DAB1: variants seen among roughly 807,000 people sequenced by gnomAD.
DAB1 encodes DAB adaptor protein 1, also known as disabled homolog 1.
DAB1 carries 15 observed loss-of-function variants against 64.6 expected under a neutral mutation model. That is an observed-to-expected ratio of 0.23 (90% CI 0.16 to 0.36). DAB1 has a LOEUF of 0.36. Ranked by LOEUF, DAB1 falls within the 10% of genes least tolerant of loss-of-function variation. The pLI is 1.00. For missense variants in DAB1, 596 were observed against 706.7 expected, an observed-to-expected ratio of 0.84 and a Z score of 1.78; for synonymous variants, 235 against 251.9, an observed-to-expected ratio of 0.93 and a Z score of 0.64.
chr1:58,544,380 A>C (rs564468977), intron 1 of DAB1, among the ~76,000 whole-genome samples: 3 of 152,344 alleles, frequency 2.0e-5, no homozygotes, highest in East Asian at 1.9e-4. Flanking sequence ...CAATTTGCAA[A>C]AATAGTAATG....
chr1:57,212,816 A>G (rs1268537805), intron 2 of DAB1, among the ~76,000 whole-genome samples: 1 of 152,128 alleles, frequency 6.6e-6, no homozygotes, highest in Non-Finnish European at 1.5e-5. Context: ...GTCTTTCTCA[A>G]GTTTAAGAAG....
At chr1:58,253,099 G>GA (rs1660841859) in intron 4 of DAB1, among the ~76,000 whole-genome samples, 1 of 152,178 alleles carries the variant, frequency 6.6e-6, no homozygotes, top group Non-Finnish European at 1.5e-5. Flanking sequence ...GAATCAGAGA[G>GA]AATGTGAGAT....
chr1:58,492,182 T>C (rs1216121041), intron 3 of DAB1, among the ~76,000 whole-genome samples: 1 of 151,818 alleles, frequency 6.6e-6, no homozygotes, highest in Non-Finnish European at 1.5e-5. Context: ...CATAACGAAA[T>C]GAAGGCAGAA....
chr1:56,999,796 C>T (rs867890531), intron 14 of DAB1, among the ~76,000 whole-genome samples: 3 of 152,122 alleles, frequency 2.0e-5, no homozygotes, highest in Non-Finnish European at 4.4e-5. Context: ...ATTTCTGGTT[C>T]CTCTAGAACT....
intron 1 of DAB1, among the ~76,000 whole-genome samples, chr1:57,310,347 C>T (rs756077830): frequency 3.9e-5 from 6 of 152,072 alleles, no homozygotes; most frequent in Non-Finnish European, 5.9e-5. Context: ...GAACAGCAAG[C>T]CCCAAAAACT....
At chr1:57,797,094 A>G (rs923658266) in intron 6 of DAB1, among the ~76,000 whole-genome samples, 3 of 152,222 alleles carry the variant, frequency 2.0e-5, no homozygotes, top group African/African-American at 7.2e-5. Context: ...TGCCATCAAT[A>G]TATTTCCCAT....
chr1:58,153,131 C>G (rs546143011), intron 4 of DAB1, among the ~76,000 whole-genome samples: 1 of 152,136 alleles, frequency 6.6e-6, no homozygotes, highest in Non-Finnish European at 1.5e-5. Flanking sequence ...TTTGTCAAAC[C>G]CTACCTGTCC....
chr1:58,109,186 G>T (rs1007516098), intron 5 of DAB1, among the ~76,000 whole-genome samples: 1 of 152,148 alleles, frequency 6.6e-6, no homozygotes, highest in Non-Finnish European at 1.5e-5. Context: ...TGAAGAAAGG[G>T]GACAGGAGAT....
At chr1:57,761,965 C>T (rs1252141295) in intron 6 of DAB1, among the ~76,000 whole-genome samples, 2 of 152,114 alleles carry the variant, frequency 1.3e-5, no homozygotes, top group East Asian at 3.9e-4. Context: ...CTGTACCCAC[C>T]GTGCCCACAG....
intron 2 of DAB1, among the ~76,000 whole-genome samples, chr1:57,218,567 G>C (rs1457014519): frequency 6.7e-6 from 1 of 149,798 alleles, no homozygotes; most frequent in Non-Finnish European, 1.5e-5. Flanking sequence ...GCCAGGTGCG[G>C]TGATGATGCA....
intron 7 of DAB1, among the ~76,000 whole-genome samples, chr1:57,504,345 G>T (rs1220791115): frequency 6.6e-6 from 1 of 152,074 alleles, no homozygotes; most frequent in Admixed American, 6.6e-5. Context: ...AGAAAGTAAG[G>T]AAGTGCTAAA....
intron 7 of DAB1, among the ~76,000 whole-genome samples, chr1:57,570,651 A>C (rs116324466): frequency 0.011 from 1,702 of 152,232 alleles, 49 homozygotes; most frequent in African/African-American, 0.039. Context: ...TGTTTTGGCT[A>C]TACAGGCTCT....
chr1:57,878,220 T>A (rs1330311853), intron 1 of DAB1: 1 of 152,240 alleles, frequency 6.6e-6, no homozygotes, highest in South Asian at 2.1e-4. Flanking sequence ...AAATTTTGAT[T>A]GTTTGCCTTT....
At chr1:57,418,795 T>C (rs1171591613) in intron 1 of DAB1, among the ~76,000 whole-genome samples, 2 of 152,178 alleles carry the variant, frequency 1.3e-5, no homozygotes, top group Non-Finnish European at 2.9e-5. Context: ...TTCTTTCCAA[T>C]AGAATATGCT....
At position 57,669,946 on chromosome 1, in the gene DAB1, TAACA is replaced by T. The variant is rs531028708; in HGVS notation, n.552-20285_552-20282del. ...AATCTTTAAGACAATCTTTGCTTCA[TAACA>T]AATAAAACAAAAAATTTCTTCTCAA... is the stretch of plus-strand genomic sequence containing the variant. On this transcript the variant is annotated intron_variant and non_coding_transcript_variant, in intron 6 of 20. Coordinates refer to the DAB1 transcript ENST00000485760. Among the ~76,000 whole-genome samples the T allele has an allele frequency of 2.4e-3, 371 of 152,260 alleles. 2 individuals are homozygous for T. The highest frequency in any genetic ancestry group is 8.1e-3 in the African/African-American group (336 of 41,552).
intron 5 of DAB1, among the ~76,000 whole-genome samples, chr1:58,033,252 G>A (rs1646996138): frequency 6.6e-6 from 1 of 152,166 alleles, no homozygotes; most frequent in Non-Finnish European, 1.5e-5. Context: ...CAAGCTGGCT[G>A]TATTCCTCTA....
At chr1:57,652,169 C>T (rs570140153) in intron 6 of DAB1, among the ~76,000 whole-genome samples, 3 of 152,316 alleles carry the variant, frequency 2.0e-5, no homozygotes, top group South Asian at 4.1e-4. Context: ...CTGCAGATAA[C>T]ATCACTATTG....
Position 58,460,409 on chromosome 1 carries a change from G to C in DAB1, n.257+45651C>G, listed in dbSNP as rs1645232372. Reference sequence around the variant, plus strand: ...TCTTCTAATTGGGGTGTTGTGTTTGGAGAGGTGGGGACCAGAAACACTTCT... The same window carrying C: ...TCTTCTAATTGGGGTGTTGTGTTTGCAGAGGTGGGGACCAGAAACACTTCT... On this transcript the variant is annotated intron_variant and non_coding_transcript_variant, in intron 3 of 20. Coordinates refer to the DAB1 transcript ENST00000485760. Among the ~76,000 whole-genome samples, 3 of 152,250 alleles carry C rather than the reference G, an allele frequency of 2.0e-5. No individual in the cohort carries two copies. The East Asian group carries it at 5.8e-4, about 29-fold the overall frequency.
chr1:57,364,069 G>T (rs1325403171), intron 1 of DAB1, among the ~76,000 whole-genome samples: 1 of 152,096 alleles, frequency 6.6e-6, no homozygotes, highest in Non-Finnish European at 1.5e-5. Context: ...GCCATTTTGG[G>T]TCTATTTTGA....
Sources: allele counts gnomAD v4.1 joint callset (sites outside exome capture counted in the v4.1 genomes callset), GRCh38; gene constraint gnomAD v4.1.1; transcripts MANE v1.5; gene names NCBI Gene and HGNC (gene_info 2026-07-23, HGNC 2026-07-21).